Variants in XKR6 observed in about 807,000 individuals in gnomAD.
The protein encoded by XKR6 is XK-related protein 6.
XKR6 carries 22 observed loss-of-function variants against 56.7 expected under a neutral mutation model. That is an observed-to-expected ratio of 0.39 (90% CI 0.28 to 0.55). XKR6 has a LOEUF of 0.55. XKR6 is among the 20% of genes least tolerant of loss of function. XKR6 has a pLI of 0.66. For synonymous variants in XKR6, 524 were observed against 387.8 expected (o/e 1.35, Z -4.13); for missense variants, 852 against 889.0 (o/e 0.96, Z 0.53).
Position 11,183,050 on chromosome 8 carries a change from T to C in XKR6, c.764+17526A>G, listed in dbSNP as rs569579275. 7.6e-4 allele frequency among the ~76,000 whole-genome samples: 115 copies of C among 152,108 alleles called. 1 individual carries two copies. The Middle Eastern group carries it at 0.01, about 14-fold the overall frequency. ...TGTTGCAGCATGTGTTAGAATTGCC[T>C]TTTTTTTGAGGCTGAAACATTCCTT... On this transcript the variant is annotated intron_variant, in intron 1 of 2. Transcript: ENST00000416569.
At chr8:11,113,663 T>TA (rs981698722) in intron 1 of XKR6, among the ~76,000 whole-genome samples, 5 of 151,842 alleles carry the variant, frequency 3.3e-5, no homozygotes, top group Non-Finnish European at 7.4e-5. Flanking sequence ...CCCTATTGTT[T>TA]AAAAAAAAAT....
chr8:11,029,238 C>A (rs1200231855), intron 1 of XKR6, among the ~76,000 whole-genome samples: 1 of 152,202 alleles, frequency 6.6e-6, no homozygotes, highest in African/African-American at 2.4e-5. Context: ...CACACCCAAC[C>A]TGGTCTTGTG....
At chr8:10,902,326 C>G (rs1800057847) in intron 2 of XKR6, among the ~76,000 whole-genome samples, 1 of 152,178 alleles carries the variant, frequency 6.6e-6, no homozygotes, top group East Asian at 1.9e-4. Context: ...TTATGAATGG[C>G]CAAACCTTCT....
intron 1 of XKR6, among the ~76,000 whole-genome samples, chr8:11,019,472 A>G (rs1586438445): frequency 6.6e-6 from 1 of 152,120 alleles, no homozygotes; most frequent in African/African-American, 2.4e-5. Context: ...GGCTGGAGGG[A>G]GGTGGGCTGC....
At chr8:11,083,942 T>A (rs1226328671) in intron 1 of XKR6, among the ~76,000 whole-genome samples, 2 of 152,178 alleles carry the variant, frequency 1.3e-5, no homozygotes, top group Admixed American at 1.3e-4. Context: ...AAAAAACTCC[T>A]TTAATACTAT....
intron 1 of XKR6, among the ~76,000 whole-genome samples, chr8:11,152,281 C>T (rs1801305926): frequency 6.6e-6 from 1 of 152,210 alleles, no homozygotes; most frequent in Admixed American, 6.5e-5. Context: ...TGCTTCTCTA[C>T]AGTTGCCCTT....
chr8:11,054,321 A>G (rs1294099593), intron 1 of XKR6, among the ~76,000 whole-genome samples: 1 of 152,226 alleles, frequency 6.6e-6, no homozygotes, highest in African/African-American at 2.4e-5. Flanking sequence ...CCTAACTACT[A>G]ACCTTCCTCT....
chr8:10,905,235 C>A (rs755645131), intron 2 of XKR6, among the ~76,000 whole-genome samples: 1 of 152,186 alleles, frequency 6.6e-6, no homozygotes, highest in Non-Finnish European at 1.5e-5. Context: ...CCACCACCTG[C>A]TTTCCTCCCA....
intron 1 of XKR6, among the ~76,000 whole-genome samples, chr8:10,994,650 T>C (rs1158619252): frequency 6.6e-6 from 1 of 152,212 alleles, no homozygotes; most frequent in Non-Finnish European, 1.5e-5. Flanking sequence ...CTAATGTGCA[T>C]TGAGTGTGTA....
At chr8:10,974,519 C>A (rs921741545) in intron 1 of XKR6, among the ~76,000 whole-genome samples, 3 of 152,208 alleles carry the variant, frequency 2.0e-5, no homozygotes, top group African/African-American at 4.8e-5. Context: ...AGTTCCCAGG[C>A]AGCTCAGCCA....
intron 1 of XKR6, among the ~76,000 whole-genome samples, chr8:10,960,981 C>G (rs567104708): frequency 5.3e-5 from 8 of 152,198 alleles, no homozygotes; most frequent in Admixed American, 4.6e-4. Context: ...GGGGTAGGGC[C>G]AGGAGCATTT....
At position 10,959,997 on chromosome 8, in the gene XKR6, G is replaced by C. The variant is rs186039871; in HGVS notation, c.765-35167C>G. On this transcript the variant is annotated intron_variant, in intron 1 of 2. Transcript: ENST00000416569. ...AGGGGTTGCTCCTGGGATTACAAAA[G>C]CCTGAAGGTCAGGGGGGGGCCTCCT... 1.1e-4 allele frequency among the ~76,000 whole-genome samples: 16 copies of C among 151,822 alleles called. 1 individual carries two copies. The East Asian group carries it at 3.1e-3, about 29-fold the overall frequency.
intron 1 of XKR6, among the ~76,000 whole-genome samples, chr8:11,113,559 ATTCT>A (rs1371551881): frequency 1.3e-5 from 2 of 152,204 alleles, no homozygotes; most frequent in African/African-American, 4.8e-5. Flanking sequence ...AAACATTACA[ATTCT>A]TTAACATAGA....
intron 1 of XKR6, among the ~76,000 whole-genome samples, chr8:10,928,115 G>T (rs558198661): frequency 6.6e-6 from 1 of 152,288 alleles, no homozygotes; most frequent in African/African-American, 2.4e-5. Flanking sequence ...GGACCCTGGA[G>T]GTCTAGTCCA....
At chr8:11,185,196 T>C (rs1803207470) in intron 1 of XKR6, among the ~76,000 whole-genome samples, 2 of 152,200 alleles carry the variant, frequency 1.3e-5, no homozygotes, top group South Asian at 4.1e-4. Context: ...TAGGATAGGC[T>C]CTGACCACCT....
chr8:11,108,634 G>A (rs1190399337), intron 1 of XKR6: 7 of 297,270 alleles, frequency 2.4e-5, no homozygotes, highest in Non-Finnish European at 3.9e-5. Context: ...CATTTCATTA[G>A]GAAGCTCTTG....
chr8:10,902,754 G>C (rs921764923), intron 2 of XKR6, among the ~76,000 whole-genome samples: 1 of 152,234 alleles, frequency 6.6e-6, no homozygotes, highest in Non-Finnish European at 1.5e-5. Flanking sequence ...TGACCACACA[G>C]AGCAATGGGG....
At chr8:10,917,054 C>T (rs1042774379) in intron 2 of XKR6, among the ~76,000 whole-genome samples, 2 of 148,692 alleles carry the variant, frequency 1.3e-5, no homozygotes, top group Non-Finnish European at 3.0e-5. Flanking sequence ...CTCCTGCTTC[C>T]CTGTCTTAGC....
rs78245174 is a variant in XKR6 at position 11,006,193 on chromosome 8, G to A, written c.765-81363C>T. On this transcript the variant is annotated intron_variant, in intron 1 of 2. Transcript: ENST00000416569. ...AGAAAGAAAAATAAGAGATTAATTG[G>A]TGATTGATTCACTAGAGAGTAGGGT... Among the ~76,000 whole-genome samples, 21 of 152,264 alleles carry A rather than the reference G, an allele frequency of 1.4e-4. No individual in the cohort carries two copies. In the East Asian group the frequency reaches 3.9e-3, roughly 28 times the overall value.
Sources: allele counts gnomAD v4.1 joint callset (sites outside exome capture counted in the v4.1 genomes callset), GRCh38; gene constraint gnomAD v4.1.1; transcripts MANE v1.5; gene names NCBI Gene and HGNC (gene_info 2026-07-23, HGNC 2026-07-21).